Variants in EXD1 observed in about 807,000 individuals in gnomAD.
The protein encoded by EXD1 is exonuclease 3'-5' domain containing 1, also known as piRNA biogenesis protein EXD1.
Under a neutral mutation model 49.1 loss-of-function variants are expected in EXD1, and 63 were observed. The ratio of observed to expected loss-of-function variants is 1.28; its 90% CI spans 1.05 to 1.58. EXD1 has a LOEUF of 1.58. EXD1 is among the 40% of genes most tolerant of loss of function. EXD1 has a pLI of 0.00. For synonymous variants in EXD1, 234 were observed against 239.2 expected, an observed-to-expected ratio of 0.98 and a Z score of 0.20; for missense variants, 748 against 666.0, an observed-to-expected ratio of 1.12 and a Z score of -1.36.
At chr15:41,203,269 T>C (rs1468441261) in intron 7 of EXD1, among the ~76,000 whole-genome samples, 1 of 152,022 alleles carries the variant, frequency 6.6e-6, no homozygotes, top group Non-Finnish European at 1.5e-5. Flanking sequence ...CCCCCATTCC[T>C]CTCCCACTGA....
chr15:41,217,299 A>G (rs1009527713), intron 3 of EXD1, 145 bp from the exon 4 acceptor site: 12 of 647,208 alleles, frequency 1.9e-5, no homozygotes, highest in African/African-American at 1.6e-4. Context: ...TTTACTGGCC[A>G]GCAATAAATA....
chr15:41,218,486 CAAAAAAAA>C (rs35305069), intron 3 of EXD1, among the ~76,000 whole-genome samples: 1 of 79,046 alleles, frequency 1.3e-5, no homozygotes, highest in Non-Finnish European at 2.7e-5. Context: ...GAATCCGTCT[CAAAAAAAA>C]AAAAAAAAAA....
chr15:41,213,615 CA>C (rs1310451794), intron 6 of EXD1, among the ~76,000 whole-genome samples: 1 of 152,036 alleles, frequency 6.6e-6, no homozygotes, highest in Non-Finnish European at 1.5e-5. Flanking sequence ...TCCTCCCACT[CA>C]GCCTCCCCAG....
At chr15:41,226,660 T>G (rs1232451324) in intron 1 of EXD1, 32 bp from the exon 2 acceptor site, 4 of 1,448,798 alleles carry the variant, frequency 2.8e-6, no homozygotes, top group Non-Finnish European at 3.6e-6. Flanking sequence ...CTATGAATTT[T>G]AAAAGATTTT....
chr15:41,211,532 C>T (rs8043253), intron 6 of EXD1, among the ~76,000 whole-genome samples: 72,999 of 151,560 alleles, frequency 0.48, 18,651 homozygotes, highest in African/African-American at 0.66. Flanking sequence ...AATTAAAAAA[C>T]AGCAAAAGGT....
intron 6 of EXD1, among the ~76,000 whole-genome samples, chr15:41,212,315 C>T (rs1157418294): frequency 2.6e-5 from 4 of 151,888 alleles, no homozygotes; most frequent in Admixed American, 2.0e-4. Context: ...ATAAGCCGGG[C>T]GTGGTGGCGG....
rs141039291 is a variant in EXD1 at position 41,188,265 on chromosome 15, C to T, written c.1056+1672G>A. Among the ~76,000 whole-genome samples the T allele has an allele frequency of 4.1e-3, 629 of 152,026 alleles. 2 individuals are homozygous for T. Among genetic ancestry groups the T allele is most frequent in the African/African-American group, 0.012 (498 of 41,476 alleles). On this transcript the variant is annotated intron_variant, in intron 11 of 11. Coordinates refer to ENST00000458580, the MANE Select transcript of EXD1 (RefSeq NM_001286441.2). Reference sequence around the variant, plus strand: ...CAGTCTGCAGGCCAGATTTGGCCAGCGGGCTATAGTTTGCCAAATCCTGAT... The same window carrying T: ...CAGTCTGCAGGCCAGATTTGGCCAGTGGGCTATAGTTTGCCAAATCCTGAT...
chr15:41,205,525 C>T (rs2046807692), intron 7 of EXD1, among the ~76,000 whole-genome samples: 1 of 152,094 alleles, frequency 6.6e-6, no homozygotes, highest in Non-Finnish European at 1.5e-5. Flanking sequence ...TGCCTGTAAT[C>T]CCAGCAATTT....
chr15:41,216,651 A>G lies in EXD1; in HGVS notation c.388+17T>C. 6.3e-7 allele frequency: 1 copy of G among 1,586,686 alleles called. No individual in the cohort carries two copies. The highest frequency in any genetic ancestry group is 8.5e-7 in the Non-Finnish European group (1 of 1,173,140). On this transcript the variant is annotated intron_variant, in intron 5 of 11. Coordinates refer to ENST00000458580, the MANE Select transcript of EXD1 (RefSeq NM_001286441.2). ...CATCTCAAAAAAAAAAAGAAAATTC[A>G]GAGCCCCTATATTCACCTGATGGGC...
intron 7 of EXD1, among the ~76,000 whole-genome samples, chr15:41,206,489 AAAAAG>A (rs1171503407): frequency 8.6e-5 from 13 of 151,800 alleles, no homozygotes; most frequent in Admixed American, 1.3e-4. Flanking sequence ...AAAAAAAAAA[AAAAAG>A]AAACAGGAAA....
intron 2 of EXD1, among the ~76,000 whole-genome samples, chr15:41,226,233 C>T (rs1332301805): frequency 3.3e-5 from 5 of 151,746 alleles, no homozygotes; most frequent in Non-Finnish European, 7.4e-5. Context: ...GCCTGGGCAA[C>T]AGAGCGAGAC....
chr15:41,190,123 A>G lies in EXD1; in HGVS notation c.870T>C (p.Asn290=). 1 of 1,614,088 alleles carries G rather than the reference A, an allele frequency of 6.2e-7. No homozygotes were observed. The highest frequency in any genetic ancestry group is 1.1e-5 in the South Asian group (1 of 91,084). ...CAGGTCGGATGAACCATACTTCTGG[A>G]TTTTCCTGGAGACAATAAAACAATT... is the stretch of plus-strand genomic sequence containing the variant. ...LEKRQKLIQE[N]PEVWFIRPVS... The change falls in exon 11 of 12, where the codon AAT becomes AAC. Residue 290 remains asparagine (N), a synonymous_variant. Coordinates refer to ENST00000458580, the MANE Select transcript of EXD1 (RefSeq NM_001286441.2).
rs149794297 is a variant in EXD1 at position 41,189,550 on chromosome 15, T to C, written c.1056+387A>G. Among the ~76,000 whole-genome samples, 808 of 127,026 alleles carry C rather than the reference T, an allele frequency of 6.4e-3. 6 individuals carry two copies. Among genetic ancestry groups the C allele is most frequent in the African/African-American group, 0.022 (747 of 33,484 alleles). 83.3% of individuals were successfully genotyped at this position (127,026 alleles called of 152,430 possible). ...TGGTGGCACATGCCTGTAATCCCAG[T>C]TACTCAGGAGGCTGAGGCAGGAGAA... On this transcript the variant is annotated intron_variant, in intron 11 of 11. Coordinates refer to ENST00000458580, the MANE Select transcript of EXD1 (RefSeq NM_001286441.2).
In EXD1 at chr15:41,216,652, G is replaced by C; in HGVS notation, c.388+16C>G. 1 of 1,586,940 alleles carries C rather than the reference G, an allele frequency of 6.3e-7. No individual in the cohort carries two copies. On this transcript the variant is annotated intron_variant, in intron 5 of 11. Transcript: ENST00000458580. Reference sequence around the variant, plus strand: ...ATCTCAAAAAAAAAAAGAAAATTCAGAGCCCCTATATTCACCTGATGGGCT... The same window carrying C: ...ATCTCAAAAAAAAAAAGAAAATTCACAGCCCCTATATTCACCTGATGGGCT...
intron 7 of EXD1, among the ~76,000 whole-genome samples, chr15:41,203,570 C>A (rs577342779): frequency 2.6e-5 from 4 of 152,078 alleles, no homozygotes; most frequent in African/African-American, 4.8e-5. Flanking sequence ...GAATCATTCT[C>A]CCTGAAGGCG....
intron 2 of EXD1, among the ~76,000 whole-genome samples, 187 bp from the exon 3 acceptor site, chr15:41,220,085 C>T (rs1292256770): frequency 6.6e-6 from 1 of 150,862 alleles, no homozygotes; most frequent in African/African-American, 2.4e-5. Context: ...GACCTTTAAA[C>T]AAGTAGTATA....
Position 41,226,476 on chromosome 15 carries a change from C to T in EXD1, c.100G>A (p.Val34Ile). 7.8e-6 allele frequency: 12 copies of T among 1,536,060 alleles called. No individual in the cohort carries two copies. Among genetic ancestry groups the T allele is most frequent in the Non-Finnish European group, 1.0e-5 (12 of 1,146,890 alleles). The change falls in exon 2 of 12, where the codon GTT becomes ATT. Residue 34 changes from valine to isoleucine, a missense_variant. Transcript: ENST00000458580. ...CGVFEGVLQH[V>I]DPNKIVVLKK... Reference sequence around the variant, plus strand: ...AGGACAACAATCTTATTAGGGTCAACATGCTGAAGCACACCCTCGAAGACA... The same window carrying T: ...AGGACAACAATCTTATTAGGGTCAATATGCTGAAGCACACCCTCGAAGACA...
At chr15:41,188,803 CTTTTT>C (rs112364138) in intron 11 of EXD1, among the ~76,000 whole-genome samples, 1 of 110,496 alleles carries the variant, frequency 9.1e-6, no homozygotes, top group Non-Finnish European at 1.8e-5. Flanking sequence ...TTTCTTTCTT[CTTTTT>C]TTTTTTTTTT....
rs573423217 is a variant in EXD1 at position 41,221,454 on chromosome 15, G to A, written c.134-1556C>T. Reference sequence around the variant, plus strand: ...GCCTGGCTATTTTTCTTTTTTTTTTGGTAGAGACTGGGTCTCACTATGTTG... The same window carrying A: ...GCCTGGCTATTTTTCTTTTTTTTTTAGTAGAGACTGGGTCTCACTATGTTG... On this transcript the variant is annotated intron_variant, in intron 2 of 11. Coordinates refer to ENST00000458580, the MANE Select transcript of EXD1 (RefSeq NM_001286441.2). Among the ~76,000 whole-genome samples, 912 of 148,586 alleles carry A rather than the reference G, an allele frequency of 6.1e-3. 7 individuals carry two copies. The highest frequency in any genetic ancestry group is 0.017 in the Middle Eastern group (5 of 292).
Sources: allele counts gnomAD v4.1 joint callset (sites outside exome capture counted in the v4.1 genomes callset), GRCh38; gene constraint gnomAD v4.1.1; transcripts MANE v1.5; gene names NCBI Gene and HGNC (gene_info 2026-07-23, HGNC 2026-07-21).